SKP2: variants seen among roughly 807,000 people sequenced by gnomAD.
SKP2 encodes S-phase kinase-associated protein 2.
A neutral mutation model predicts 51.8 loss-of-function variants in SKP2; 16 were observed. That is an observed-to-expected ratio of 0.31 (90% CI 0.21 to 0.47). The LOEUF is 0.47. Among genes scored for constraint, SKP2 ranks in the 20% least tolerant of loss-of-function variants. SKP2 has a pLI of 1.00. For synonymous variants in SKP2, 176 were observed against 198.6 expected (o/e 0.89, Z 0.96); for missense variants, 377 against 505.3 (o/e 0.75, Z 2.43).
At chr5:36,192,740 A>G (rs1329630950) in intron 7 of SKP2, 1 of 152,238 alleles carries the variant, frequency 6.6e-6, no homozygotes, top group Non-Finnish European at 1.5e-5. Context: ...TCTATGTCAA[A>G]TGTTAACAGT....
rs1744786953 is a variant in SKP2 at position 36,152,818 on chromosome 5, G to A, written c.56G>A (p.Ser19Asn). ...GACCTGAGTAGCAACGTTGCCACCAGCTTCACGTGGGGATGGGATTCCAGC... is the reference window on the plus strand; with the variant it reads ...GACCTGAGTAGCAACGTTGCCACCAACTTCACGTGGGGATGGGATTCCAGC... ...IPDLSSNVAT[S>N]FTWGWDSSKT... Residue 19 changes from serine (S) to asparagine (N), a missense_variant, in exon 2 of 10, where the codon AGC becomes AAC. Physicochemically the swap from Ser to Asn is conservative, Grantham distance 46. Transcript: ENST00000274255. 7.4e-6 allele frequency: 12 copies of A among 1,614,142 alleles called. No homozygotes were observed. The highest frequency in any genetic ancestry group is 1.0e-5 in the Non-Finnish European group (12 of 1,180,036).
intron 2 of SKP2, 87 bp from the exon 3 acceptor site, chr5:36,163,558 T>C: frequency 5.3e-6 from 4 of 758,414 alleles, no homozygotes; most frequent in Non-Finnish European, 9.4e-6. Context: ...AGCTAAATGT[T>C]GTATATTCTT....
chr5:36,165,308 T>C (rs1745249952), intron 3 of SKP2, among the ~76,000 whole-genome samples: 1 of 152,216 alleles, frequency 6.6e-6, no homozygotes, highest in African/African-American at 2.4e-5. Flanking sequence ...CCATATCTAG[T>C]TATGCTTGGC....
intron 2 of SKP2, among the ~76,000 whole-genome samples, chr5:36,159,037 G>A (rs1361027910): frequency 6.6e-6 from 1 of 152,202 alleles, no homozygotes; most frequent in Admixed American, 6.5e-5. Context: ...AATACATTTG[G>A]CAAATATTTA....
intron 6 of SKP2, 105 bp from the exon 7 acceptor site, chr5:36,171,498 A>G: frequency 9.6e-7 from 1 of 1,042,482 alleles, no homozygotes; most frequent in Non-Finnish European, 1.5e-6. Flanking sequence ...TGTGCATGAA[A>G]TGATAAGGAA....
chr5:36,187,292 T>G (rs558479739), downstream of SKP2, among the ~76,000 whole-genome samples: 2 of 152,354 alleles, frequency 1.3e-5, no homozygotes, highest in East Asian at 3.9e-4. Context: ...TGAATGTGTT[T>G]GCTCTTGCTT....
At chr5:36,156,265 C>T (rs938700075) in intron 2 of SKP2, among the ~76,000 whole-genome samples, 14 of 152,110 alleles carry the variant, frequency 9.2e-5, no homozygotes, top group Non-Finnish European at 8.8e-5. Flanking sequence ...AAGCCTGGGC[C>T]TCCAGTGGAG....
intron 2 of SKP2, among the ~76,000 whole-genome samples, chr5:36,156,867 G>A (rs1164723697): frequency 1.3e-5 from 2 of 152,080 alleles, no homozygotes; most frequent in Non-Finnish European, 2.9e-5. Context: ...GGGAGTCCTG[G>A]CCTGAGTGAG....
intron 8 of SKP2, 41 bp from the exon 9 acceptor site, chr5:36,177,144 A>G (rs200491369): frequency 7.2e-5 from 99 of 1,381,410 alleles, no homozygotes; most frequent in Admixed American, 4.5e-4. Context: ...TCTAGGATCA[A>G]TGTGTGATTT....
At chr5:36,161,291 T>C (rs1745112943) in intron 2 of SKP2, among the ~76,000 whole-genome samples, 1 of 57,162 alleles carries the variant, frequency 1.7e-5, no homozygotes, top group African/African-American at 4.2e-5. Context: ...ACAAAAATTG[T>C]TAAAAAAAAA....
rs764144647 is a variant in SKP2, at chr5:36,184,058, TTTTC to T, written c.*2033_*2036del. 8.9e-6 allele frequency: 9 copies of T among 1,009,372 alleles called. No individual in the cohort carries two copies. The highest frequency in any genetic ancestry group is 1.6e-5 in the African/African-American group (1 of 60,868). 62.5% of individuals were successfully genotyped at this position (1,009,372 alleles called of 1,614,324 possible). A position where few individuals can be genotyped will look rare whatever the true frequency, so the allele number is the denominator to read the frequency against. On this transcript the variant is annotated 3_prime_UTR_variant, in exon 10 of 10. Coordinates refer to ENST00000274255, the MANE Select transcript of SKP2 (RefSeq NM_005983.4). ...GTGCTTAAACTAAGTTGTATTCCTT[TTTTC>T]TTTCTCTTTTTTTAAGTGCTGTGGT...
intron 6 of SKP2, among the ~76,000 whole-genome samples, chr5:36,192,269 TTTAG>T (rs1237629074): frequency 6.6e-6 from 1 of 152,160 alleles, no homozygotes; most frequent in Non-Finnish European, 1.5e-5. Context: ...TGAACTATTC[TTTAG>T]TTAGACAACT....
Position 36,168,264 on chromosome 5 carries a change from G to A in SKP2, c.537-49G>A, listed in dbSNP as rs189449229. The A allele has an allele frequency of 6.9e-6, 11 of 1,585,140 alleles. No homozygotes were observed. The Admixed American group carries it at 1.8e-4, about 26-fold the overall frequency. On this transcript the variant is annotated intron_variant, in intron 4 of 9. Coordinates refer to ENST00000274255, the MANE Select transcript of SKP2 (RefSeq NM_005983.4). ...AGAGGGGTCTGGTTTGAAATTGGAT[G>A]TACCCGTGAGAGCCACCTATGGAGC...
At chr5:36,189,213 C>T (rs1745982752), downstream of SKP2, among the ~76,000 whole-genome samples, 1 of 152,238 alleles carries the variant, frequency 6.6e-6, no homozygotes, top group Non-Finnish European at 1.5e-5. Flanking sequence ...CTGAAGCCTT[C>T]TTCTCTCAAC....
chr5:36,180,436 G>C (rs768267374), intron 9 of SKP2: 2 of 323,384 alleles, frequency 6.2e-6, no homozygotes, highest in South Asian at 5.0e-5. Flanking sequence ...TTGTCCCCTT[G>C]TGAACAAGCA....
At chr5:36,161,551 C>G (rs1745121470) in intron 2 of SKP2, among the ~76,000 whole-genome samples, 1 of 152,202 alleles carries the variant, frequency 6.6e-6, no homozygotes, top group Non-Finnish European at 1.5e-5. Flanking sequence ...GGCTGGAACA[C>G]ATTTCTAGAT....
chr5:36,182,172 G>T lies in SKP2; in HGVS notation c.*141G>T. 1 of 1,427,214 alleles carries T rather than the reference G, an allele frequency of 7.0e-7. No individual in the cohort carries two copies. The highest frequency in any genetic ancestry group is 9.1e-7 in the Non-Finnish European group (1 of 1,093,890). 88.4% of individuals were successfully genotyped at this position (1,427,214 alleles called of 1,614,324 possible). ...AAGTATACTAGGGAGCCATTTGAGA[G>T]GGAAAACTATGAAATCTTGCTTTTT... is the stretch of plus-strand genomic sequence containing the variant. On this transcript the variant is annotated 3_prime_UTR_variant, in exon 10 of 10. Transcript: ENST00000274255.
At chr5:36,152,377 G>A in intron 1 of SKP2, 107 bp downstream of exon 1, 1 of 1,081,936 alleles carries the variant, frequency 9.2e-7, no homozygotes, top group Non-Finnish European at 1.4e-6. Context: ...GCTGTTAAGT[G>A]AATGGTTGCT....
chr5:36,185,034 T>G (rs1579582307), downstream of SKP2, among the ~76,000 whole-genome samples: 1 of 152,272 alleles, frequency 6.6e-6, no homozygotes, highest in Non-Finnish European at 1.5e-5. Context: ...CATTTTTTCA[T>G]GTGTCTCTTG....
Sources: allele counts gnomAD v4.1 joint callset (sites outside exome capture counted in the v4.1 genomes callset), GRCh38; gene constraint gnomAD v4.1.1; transcripts MANE v1.5; gene names NCBI Gene and HGNC (gene_info 2026-07-23, HGNC 2026-07-21).